Variants in MTA3 observed in about 807,000 individuals in gnomAD.
MTA3 encodes metastasis associated 1 family member 3.
MTA3 carries 34 observed loss-of-function variants against 83.5 expected under a neutral mutation model. That is an observed-to-expected ratio of 0.41 (90% confidence interval 0.31 to 0.54). MTA3 has a LOEUF of 0.54. MTA3 is among the 20% of genes least tolerant of loss of function. MTA3 has a pLI of 0.33. For missense variants in MTA3, 761 were observed against 726.4 expected, an observed-to-expected ratio of 1.05 and a Z score of -0.55; for synonymous variants, 303 against 252.7, an observed-to-expected ratio of 1.20 and a Z score of -1.89.
upstream of MTA3, among the ~76,000 whole-genome samples, chr2:42,565,773 G>A (rs892163807): frequency 3.3e-5 from 5 of 152,068 alleles, no homozygotes; most frequent in Non-Finnish European, 7.4e-5. Flanking sequence ...GGGAGGCTGG[G>A]CAGGCAGATC....
At chr2:42,709,239 C>A (rs1461604830) in intron 14 of MTA3, 143 bp downstream of exon 14, 9 of 1,436,412 alleles carry the variant, frequency 6.3e-6, no homozygotes, top group Non-Finnish European at 7.3e-6. Flanking sequence ...TATTTTTTAA[C>A]ATTGTTTTTG....
chr2:42,576,317 G>T (rs1036855603), intron 2 of MTA3, among the ~76,000 whole-genome samples: 2 of 152,216 alleles, frequency 1.3e-5, no homozygotes, highest in East Asian at 3.8e-4. Context: ...GGTGGAACAG[G>T]ACATTGAAGT....
At chr2:42,578,611 A>G (rs1261414171) in intron 2 of MTA3, among the ~76,000 whole-genome samples, 6 of 152,202 alleles carry the variant, frequency 3.9e-5, no homozygotes, top group South Asian at 2.1e-4. Flanking sequence ...TTCACTGTCC[A>G]TGGAACATGG....
chr2:42,639,138 G>GCAA (rs1396949710), intron 4 of MTA3, among the ~76,000 whole-genome samples: 1 of 149,660 alleles, frequency 6.7e-6, no homozygotes, highest in Non-Finnish European at 1.5e-5. Context: ...TCGGCTCACT[G>GCAA]CAACCTCTGC....
rs146335411 is a variant in MTA3 at position 42,731,463 on chromosome 2, C to A, written c.1759+8428C>A. On this transcript the variant is annotated intron_variant, in intron 16 of 16. Transcript: ENST00000405094. The stretch of plus-strand genomic sequence containing the variant: ...GGTGGGAGGCCAAAGGCACTTTTTA[C>A]ATGGTGGCAGCAAGAGAAAATGAGG... 1.9e-3 allele frequency among the ~76,000 whole-genome samples: 288 copies of A among 152,318 alleles called. 1 individual carries two copies. The highest frequency in any genetic ancestry group is 6.6e-3 in the African/African-American group (274 of 41,578).
chr2:42,518,903 C>G (rs1056542254), intron 2 of MTA3, among the ~76,000 whole-genome samples: 16 of 150,034 alleles, frequency 1.1e-4, no homozygotes, highest in African/African-American at 3.9e-4. Context: ...GAGGTTGAAG[C>G]TACAGTGAGC....
At chr2:42,623,881 C>T (rs555074345) in intron 4 of MTA3, among the ~76,000 whole-genome samples, 4 of 152,022 alleles carry the variant, frequency 2.6e-5, no homozygotes, top group Admixed American at 6.6e-5. Flanking sequence ...TAAGTAGAGA[C>T]GGGGTTTCAC....
At chr2:42,676,574 C>T (rs940052430) in intron 8 of MTA3, among the ~76,000 whole-genome samples, 16 of 152,180 alleles carry the variant, frequency 1.1e-4, no homozygotes, top group African/African-American at 3.4e-4. Context: ...GAGACCAGCC[C>T]GGGCAACATG....
chr2:42,632,097 T>TG (rs1686732781), intron 4 of MTA3, among the ~76,000 whole-genome samples: 1 of 149,690 alleles, frequency 6.7e-6, no homozygotes, highest in South Asian at 2.1e-4. Context: ...CTGGGTTTTT[T>TG]TTTTTTTTTT....
intron 3 of MTA3, among the ~76,000 whole-genome samples, chr2:42,604,030 T>C (rs1485504378): frequency 1.3e-5 from 2 of 152,288 alleles, no homozygotes; most frequent in Admixed American, 1.3e-4. Context: ...ATTACAGGCG[T>C]GAGCCACCGC....
chr2:42,576,373 G>A (rs565439980), intron 2 of MTA3, among the ~76,000 whole-genome samples: 11 of 152,346 alleles, frequency 7.2e-5, no homozygotes, highest in South Asian at 2.1e-4. Flanking sequence ...AAGAGAGGAC[G>A]CAGGAGTGTT....
At chr2:42,542,726 T>G (rs1572953332) in intron 2 of MTA3, among the ~76,000 whole-genome samples, 1 of 151,696 alleles carries the variant, frequency 6.6e-6, no homozygotes, top group Non-Finnish European at 1.5e-5. Context: ...TAATTTTTTT[T>G]TTGTATTTTT....
At chr2:42,577,539 G>A (rs1477048100) in intron 2 of MTA3, among the ~76,000 whole-genome samples, 2 of 150,686 alleles carry the variant, frequency 1.3e-5, no homozygotes, top group African/African-American at 2.5e-5. Context: ...GGAGTGCAGT[G>A]GTGTGGTCTT....
At chr2:42,502,998 A>AGGAAAAG (rs1674468315) in intron 2 of MTA3, among the ~76,000 whole-genome samples, 1 of 151,540 alleles carries the variant, frequency 6.6e-6, no homozygotes, top group Non-Finnish European at 1.5e-5. Context: ...TTAAAAAAAA[A>AGGAAAAG]GGAAAGGGGT....
chr2:42,729,223 A>C (rs1053255599), intron 16 of MTA3, among the ~76,000 whole-genome samples: 50 of 146,268 alleles, frequency 3.4e-4, no homozygotes, highest in African/African-American at 1.0e-3. Context: ...CAGCCTACCC[A>C]GTAGCTGGGA....
intron 2 of MTA3, among the ~76,000 whole-genome samples, chr2:42,498,587 T>C (rs909176939): frequency 1.3e-5 from 2 of 152,180 alleles, no homozygotes; most frequent in African/African-American, 4.8e-5. Context: ...ATATGTAACA[T>C]ACATCGTGTT....
intron 2 of MTA3, among the ~76,000 whole-genome samples, chr2:42,558,491 C>T (rs1677505509): frequency 6.6e-6 from 1 of 151,934 alleles, no homozygotes; most frequent in Admixed American, 6.6e-5. Context: ...CTCAGGCCAT[C>T]TGCCCACCTC....
At chr2:42,726,521 A>G (rs1250848267) in intron 16 of MTA3, among the ~76,000 whole-genome samples, 4 of 151,482 alleles carry the variant, frequency 2.6e-5, no homozygotes, top group African/African-American at 9.7e-5. Flanking sequence ...CCAACCCACA[A>G]CAGTCCCCAG....
intron 6 of MTA3, among the ~76,000 whole-genome samples, chr2:42,646,128 G>T (rs1244055626): frequency 6.6e-6 from 1 of 152,186 alleles, no homozygotes; most frequent in Non-Finnish European, 1.5e-5. Context: ...TCTATTTACA[G>T]TATGGTTTAC....
Sources: gnomAD v4.1 joint callset for allele counts (sites outside exome capture counted in the v4.1 genomes callset) on GRCh38, gnomAD v4.1.1 for gene constraint, MANE v1.5 for transcripts, NCBI Gene and HGNC (gene_info 2026-07-23, HGNC 2026-07-21) for gene names.